NFIB: variants seen among roughly 807,000 people sequenced by gnomAD.
The protein encoded by NFIB is nuclear factor 1 B-type.
A neutral mutation model predicts 61.5 loss-of-function variants in NFIB; 11 were observed. That is an observed-to-expected ratio of 0.18 (90% CI 0.11 to 0.30). The LOEUF (loss-of-function observed/expected upper bound fraction) is 0.30. Among genes scored for constraint, NFIB ranks in the 10% least tolerant of loss-of-function variants. The pLI, the probability that NFIB is intolerant of heterozygous loss-of-function variation, is 1.00. For missense variants in NFIB, 471 were observed against 608.9 expected (o/e 0.77, Z 2.38); for synonymous variants, 260 against 216.5 (o/e 1.20, Z -1.76).
chr9:14,101,337 G>A (rs1434455061), intron 10 of NFIB, among the ~76,000 whole-genome samples: 1 of 152,134 alleles, frequency 6.6e-6, no homozygotes, highest in Non-Finnish European at 1.5e-5. Context: ...AAAAGTCATT[G>A]TTTTTAAAAA....
chr9:14,322,136 T>G (rs1315990576), intron 1 of NFIB: 1 of 1,222,790 alleles, frequency 8.2e-7, no homozygotes, highest in East Asian at 3.2e-5. Flanking sequence ...ATTTTTTAAT[T>G]GTAATTTCTG....
intron 3 of NFIB, among the ~76,000 whole-genome samples, chr9:14,158,121 A>C (rs983019216): frequency 3.3e-5 from 5 of 151,806 alleles, no homozygotes; most frequent in Non-Finnish European, 5.9e-5. Context: ...AAAAAAAAAA[A>C]AAAAACAAAA....
chr9:14,186,010 T>C (rs903700684), intron 2 of NFIB, among the ~76,000 whole-genome samples: 1 of 152,210 alleles, frequency 6.6e-6, no homozygotes, highest in Non-Finnish European at 1.5e-5. Flanking sequence ...AACTTTCTAC[T>C]CCTAGATGAA....
chr9:14,445,383 G>C, the NFIB span, among the ~76,000 whole-genome samples: 1 of 152,086 alleles, frequency 6.6e-6, no homozygotes, highest in Non-Finnish European at 1.5e-5. Flanking sequence ...TGATCTTCAA[G>C]AGAGTGTTCT....
At chr9:14,270,911 G>C (rs1307057625) in intron 2 of NFIB, among the ~76,000 whole-genome samples, 1 of 152,022 alleles carries the variant, frequency 6.6e-6, no homozygotes, top group Non-Finnish European at 1.5e-5. Context: ...AGTCTCCGTA[G>C]GCCCTTCAAA....
chr9:14,147,103 GT>G (rs1347232958), intron 5 of NFIB, among the ~76,000 whole-genome samples: 1 of 152,042 alleles, frequency 6.6e-6, no homozygotes, highest in East Asian at 1.9e-4. Context: ...AACTCTTAAT[GT>G]TGTTTGCCTT....
chr9:14,167,083 C>T (rs199724803), intron 3 of NFIB, among the ~76,000 whole-genome samples: 2 of 104,552 alleles, frequency 1.9e-5, no homozygotes. Context: ...GTGTGTGTGT[C>T]GGGGGGGGGG....
chr9:14,279,231 C>T (rs1451035057), intron 2 of NFIB, among the ~76,000 whole-genome samples: 3 of 152,116 alleles, frequency 2.0e-5, no homozygotes, highest in Admixed American at 6.5e-5. Flanking sequence ...AAAATGGAAG[C>T]CCCGTCTTCC....
At chr9:14,469,300 G>A in the NFIB span, among the ~76,000 whole-genome samples, 1,341 of 152,240 alleles carry the variant, frequency 8.8e-3, 20 homozygotes, top group African/African-American at 0.03. Flanking sequence ...AAGATGACAT[G>A]GGATACTGAT....
chr9:14,224,760 C>T (rs1395709411), intron 2 of NFIB, among the ~76,000 whole-genome samples: 1 of 152,212 alleles, frequency 6.6e-6, no homozygotes, highest in African/African-American at 2.4e-5. Context: ...TGGGGCGGTC[C>T]TAGAACCAAT....
At chr9:14,099,656 A>C (rs1563782885) in intron 10 of NFIB, among the ~76,000 whole-genome samples, 1 of 152,228 alleles carries the variant, frequency 6.6e-6, no homozygotes, top group Non-Finnish European at 1.5e-5. Flanking sequence ...TCAGCATTGG[A>C]TTCACCACAG....
chr9:14,385,595 A>C (rs984763418), intron 1 of NFIB, among the ~76,000 whole-genome samples: 5 of 152,182 alleles, frequency 3.3e-5, no homozygotes, highest in Non-Finnish European at 7.3e-5. Context: ...AAGGAAAAAA[A>C]CCCACCAATA....
the NFIB span, among the ~76,000 whole-genome samples, chr9:14,450,650 C>T: frequency 6.6e-6 from 1 of 152,258 alleles, no homozygotes; most frequent in East Asian, 1.9e-4. Flanking sequence ...CAGCACCCCT[C>T]CCCCCGCACC....
chr9:14,495,446 C>CTTTTTTTTTTTTTTTTTTTTT, the NFIB span, among the ~76,000 whole-genome samples: 131 of 117,232 alleles, frequency 1.1e-3, 17 homozygotes, highest in African/African-American at 4.6e-3. Context: ...GAGAAATGAA[C>CTTTTTTTTTTTTTTTTTTTTT]TTTTTTTTTT....
chr9:14,120,813 C>T lies in NFIB; in HGVS notation c.1061-189G>A, dbSNP rs919974759. 5.3e-5 allele frequency among the ~76,000 whole-genome samples: 8 copies of T among 151,866 alleles called. No homozygotes were observed. The highest frequency in any genetic ancestry group is 1.7e-4 in the African/African-American group (7 of 41,134). ...TTCTCAACACCAGTACGGCTAACTA[C>T]ACAGAGATAAAACATCACTCTAGAA... On this transcript the variant is annotated intron_variant, in intron 7 of 10. Coordinates refer to ENST00000380953, the MANE Select transcript of NFIB (RefSeq NM_001190737.2). This position sits in a 1 kb window ranked among gnomAD's most constrained non-coding sequence, Gnocchi z 4.4.
At chr9:14,108,871 T>A (rs1356789713) in intron 10 of NFIB, among the ~76,000 whole-genome samples, 1 of 152,102 alleles carries the variant, frequency 6.6e-6, no homozygotes, top group Non-Finnish European at 1.5e-5. Context: ...AATATGTACT[T>A]CAATGGCTTG....
chr9:14,406,202 A>G, the NFIB span, among the ~76,000 whole-genome samples: 1 of 152,220 alleles, frequency 6.6e-6, no homozygotes, highest in South Asian at 2.1e-4. Context: ...TCTAGGACCT[A>G]TTCCAGAAAC....
chr9:14,477,972 C>G, the NFIB span, among the ~76,000 whole-genome samples: 1 of 152,120 alleles, frequency 6.6e-6, no homozygotes, highest in Non-Finnish European at 1.5e-5. Context: ...ACCCCCCATT[C>G]TATGCCCTGA....
At chr9:14,110,795 T>A (rs1000182406) in intron 10 of NFIB, among the ~76,000 whole-genome samples, 1 of 152,140 alleles carries the variant, frequency 6.6e-6, no homozygotes, top group Admixed American at 6.6e-5. Flanking sequence ...AGTTTACTAA[T>A]ATACATCTAT....
Sources: allele counts gnomAD v4.1 joint callset (sites outside exome capture counted in the v4.1 genomes callset), GRCh38; gene constraint gnomAD v4.1.1; non-coding constraint Gnocchi (gnomAD v3.1); transcripts MANE v1.5; gene names NCBI Gene and HGNC (gene_info 2026-07-23, HGNC 2026-07-21).